The following MAST2 variants were observed in gnomAD, a reference collection of about 807,000 sequenced individuals.
MAST2 encodes microtubule associated serine/threonine kinase 2.
MAST2 carries 70 observed loss-of-function variants against 147.4 expected under a neutral mutation model. The observed-to-expected ratio is 0.47, with a 90% CI of 0.39 to 0.58. The LOEUF is 0.58. MAST2 is among the 20% of genes least tolerant of loss of function. The pLI, the probability that MAST2 is intolerant of heterozygous loss-of-function variation, is 0.00. For synonymous variants in MAST2, 869 were observed against 896.8 expected, an observed-to-expected ratio of 0.97 and a Z score of 0.55; for missense variants, 2,080 against 2,302.3, an observed-to-expected ratio of 0.90 and a Z score of 1.98.
chr1:45,923,117 T>C (rs1316672773), intron 4 of MAST2, among the ~76,000 whole-genome samples: 1 of 152,170 alleles, frequency 6.6e-6, no homozygotes, highest in African/African-American at 2.4e-5. Context: ...AGCTCTGCCC[T>C]AGTGCCCCTC....
chr1:45,858,400 A>G (rs1309583952), intron 3 of MAST2, among the ~76,000 whole-genome samples: 1 of 152,120 alleles, frequency 6.6e-6, no homozygotes, highest in Admixed American at 6.5e-5. Flanking sequence ...TGTTGGCTGC[A>G]TAAATGTCTT....
chr1:45,875,400 C>T (rs897945231), intron 3 of MAST2, among the ~76,000 whole-genome samples: 3 of 152,088 alleles, frequency 2.0e-5, no homozygotes, highest in Non-Finnish European at 2.9e-5. Context: ...GAGCCAAGAT[C>T]GCGCCACTGC....
chr1:45,822,360 T>C (rs2148695565), intron 1 of MAST2, among the ~76,000 whole-genome samples: 1 of 151,206 alleles, frequency 6.6e-6, no homozygotes, highest in Non-Finnish European at 1.5e-5. Flanking sequence ...ATATTTCCTT[T>C]CCTTTGCCAG....
At chr1:45,973,313 C>T (rs1027024833) in intron 5 of MAST2, among the ~76,000 whole-genome samples, 9 of 152,160 alleles carry the variant, frequency 5.9e-5, no homozygotes, top group African/African-American at 1.4e-4. Context: ...TAGATCTGTA[C>T]TTTAGACCTT....
chr1:45,998,968 G>T (rs1385354629), intron 6 of MAST2, among the ~76,000 whole-genome samples: 1 of 152,008 alleles, frequency 6.6e-6, no homozygotes, highest in South Asian at 2.1e-4. Context: ...TCCTGACCTC[G>T]TGATCCACCC....
At chr1:45,847,540 C>G (rs1645479151) in intron 3 of MAST2, 1 of 830,412 alleles carries the variant, frequency 1.2e-6, no homozygotes, top group African/African-American at 1.7e-5. Flanking sequence ...ATTTGAGCTG[C>G]TTTTCTACTA....
At chr1:45,881,930 A>G (rs1189090801) in intron 3 of MAST2, among the ~76,000 whole-genome samples, 1 of 143,092 alleles carries the variant, frequency 7.0e-6, no homozygotes, top group Non-Finnish European at 1.5e-5. Flanking sequence ...TAATCCCAGT[A>G]CTTTGGGAGG....
chr1:45,997,961 T>C (rs1645124994), intron 6 of MAST2, among the ~76,000 whole-genome samples, 162 bp downstream of exon 6: 1 of 152,252 alleles, frequency 6.6e-6, no homozygotes, highest in Admixed American at 6.5e-5. Context: ...TCCTAGGTTG[T>C]AATGATCGTG....
At chr1:45,906,709 T>A (rs1173975058) in intron 4 of MAST2, among the ~76,000 whole-genome samples, 1 of 150,174 alleles carries the variant, frequency 6.7e-6, no homozygotes, top group South Asian at 2.1e-4. Flanking sequence ...GTTTATATAA[T>A]GTTATTATGC....
intron 10 of MAST2, among the ~76,000 whole-genome samples, chr1:46,016,938 C>T (rs1471749662): frequency 6.6e-6 from 1 of 151,820 alleles, no homozygotes; most frequent in Non-Finnish European, 1.5e-5. Flanking sequence ...TACAAGGCTA[C>T]AGTAACCAAA....
intron 10 of MAST2, chr1:46,011,251 G>A (rs866905705): frequency 2.9e-6 from 1 of 345,378 alleles, no homozygotes; most frequent in South Asian, 3.4e-5. Context: ...GCTACCCAAA[G>A]CCAAAAAGTG....
At chr1:45,882,539 A>G in intron 4 of MAST2, 144 bp downstream of exon 4, 1 of 617,444 alleles carries the variant, frequency 1.6e-6, no homozygotes, top group East Asian at 3.1e-5. Flanking sequence ...GGAAGCCAGC[A>G]GGCCAACTGA....
chr1:45,941,604 G>T (rs1229276219), intron 4 of MAST2, among the ~76,000 whole-genome samples: 3 of 152,108 alleles, frequency 2.0e-5, no homozygotes, highest in African/African-American at 7.2e-5. Flanking sequence ...CTACATATAG[G>T]ATTGTTTTGT....
intron 3 of MAST2, among the ~76,000 whole-genome samples, chr1:45,859,858 G>A (rs1480064749): frequency 6.6e-6 from 1 of 152,132 alleles, no homozygotes; most frequent in East Asian, 1.9e-4. Flanking sequence ...TGATGAAAAT[G>A]TTTTATTCAT....
chr1:45,819,475 CA>C (rs1056281086), intron 1 of MAST2, among the ~76,000 whole-genome samples: 6 of 151,964 alleles, frequency 3.9e-5, no homozygotes, highest in Non-Finnish European at 5.9e-5. Context: ...AAGACTTCAC[CA>C]AAAAACTATT....
chr1:45,860,108 G>A (rs1158162724), intron 3 of MAST2, among the ~76,000 whole-genome samples: 1 of 151,990 alleles, frequency 6.6e-6, no homozygotes, highest in East Asian at 1.9e-4. Context: ...CTGCAATCCT[G>A]AGGTGGCGGG....
chr1:46,003,529 G>A (rs541616089), intron 7 of MAST2, among the ~76,000 whole-genome samples: 20 of 151,808 alleles, frequency 1.3e-4, no homozygotes, highest in African/African-American at 4.1e-4. Context: ...GTGCAGTGGC[G>A]CAATCACGGC....
At chr1:45,893,765 C>G (rs1648261298) in intron 4 of MAST2, among the ~76,000 whole-genome samples, 1 of 152,078 alleles carries the variant, frequency 6.6e-6, no homozygotes, top group East Asian at 1.9e-4. Context: ...AGCATTTTAC[C>G]CATACAACTT....
At chr1:45,921,312 C>A (rs1164639556) in intron 4 of MAST2, among the ~76,000 whole-genome samples, 1 of 152,072 alleles carries the variant, frequency 6.6e-6, no homozygotes, top group African/African-American at 2.4e-5. Context: ...TGGTCTTAAC[C>A]CCTCAGCTGT....
Sources: gnomAD v4.1 joint callset for allele counts (sites outside exome capture counted in the v4.1 genomes callset) on GRCh38, gnomAD v4.1.1 for gene constraint, MANE v1.5 for transcripts, NCBI Gene and HGNC (gene_info 2026-07-23, HGNC 2026-07-21) for gene names.